ITGAM: variants seen among roughly 807,000 people sequenced by gnomAD.
The protein encoded by ITGAM is integrin subunit alpha M.
A neutral mutation model predicts 137.5 loss-of-function variants in ITGAM; 79 were observed. The observed-to-expected ratio is 0.57, with a 90% CI of 0.48 to 0.69. The LOEUF is 0.69. Among genes scored for constraint, ITGAM ranks in the 30% least tolerant of loss-of-function variants. ITGAM has a pLI of 0.00. For missense variants in ITGAM, 1,343 were observed against 1,483.5 expected (o/e 0.91, Z 1.56); for synonymous variants, 583 against 592.3 (o/e 0.98, Z 0.23).
chr16:31,302,692 G>A (rs780577531), intron 14 of ITGAM, among the ~76,000 whole-genome samples: 13 of 150,246 alleles, frequency 8.7e-5, no homozygotes, highest in Non-Finnish European at 1.6e-4. Context: ...CCGCCACTAC[G>A]CCTGGCTAAT....
At chr16:31,331,324 G>T (rs760533355) in intron 29 of ITGAM, 49 bp downstream of exon 29, 1 of 1,033,592 alleles carries the variant, frequency 9.7e-7, no homozygotes, top group South Asian at 1.3e-5. Context: ...CTCGGGCCTC[G>T]CGCTGCAGCT....
Position 31,329,319 on chromosome 16 carries a change from G to C in ITGAM, c.2868+16G>C, listed in dbSNP as rs376770639. ...TCAATATCAGGTGGGCAGCTGGGAC[G>C]TCTGGGTCCTGAGAAGGAGGCTGGG... On this transcript the variant is annotated intron_variant, in intron 24 of 29. Transcript: ENST00000544665. The C allele has an allele frequency of 6.3e-7, 1 of 1,578,314 alleles. No homozygotes were observed. Among genetic ancestry groups the C allele is most frequent in the African/African-American group, 1.3e-5 (1 of 74,264 alleles).
Position 31,324,282 on chromosome 16 carries a change from G to A in ITGAM, c.2003-117G>A, listed in dbSNP as rs1045747403. 1 of 738,824 alleles carries A rather than the reference G, an allele frequency of 1.4e-6. No homozygotes were observed. Among genetic ancestry groups the A allele is most frequent in the Non-Finnish European group, 2.2e-6 (1 of 451,350 alleles). 45.8% of individuals were successfully genotyped at this position (738,824 alleles called of 1,614,324 possible). A position where few individuals can be genotyped will look rare whatever the true frequency, so the allele number is the denominator to read the frequency against. On this transcript the variant is annotated intron_variant, in intron 16 of 29. Coordinates refer to ENST00000544665, the MANE Select transcript of ITGAM (RefSeq NM_000632.4). This position sits in a 1 kb window ranked among gnomAD's most constrained non-coding sequence, Gnocchi z 4.5. ...AAGGAAGGAAAGAAGACTCAGAGAA[G>A]TCAGATAACATACCCCAAGTCACAC...
rs1268728317 is a variant in ITGAM, at chr16:31,287,036, T to A, written c.1356+8927T>A. 3.4e-4 allele frequency among the ~76,000 whole-genome samples: 51 copies of A among 152,236 alleles called. 1 individual carries two copies. Among genetic ancestry groups the A allele is most frequent in the Non-Finnish European group, 1.5e-5 (1 of 68,030 alleles). ...TCTTTAATCACATTTAAATCTTTAA[T>A]ACACCTTGAGTTGATTTTTGTATAA... is the stretch of plus-strand genomic sequence containing the variant. On this transcript the variant is annotated intron_variant, in intron 12 of 29. Transcript: ENST00000544665.
chr16:31,315,395 T>C (rs1430178044), intron 14 of ITGAM, among the ~76,000 whole-genome samples: 1 of 152,202 alleles, frequency 6.6e-6, no homozygotes, highest in Non-Finnish European at 1.5e-5. Context: ...CGTTTCCTTC[T>C]AATAGTTTAT....
At chr16:31,322,019 A>G (rs952676208) in intron 16 of ITGAM, among the ~76,000 whole-genome samples, 5 of 152,176 alleles carry the variant, frequency 3.3e-5, no homozygotes, top group Non-Finnish European at 5.9e-5. Flanking sequence ...CCTTGTTCCT[A>G]TTCTCAAAGA....
At chr16:31,303,613 C>T (rs544355538) in intron 14 of ITGAM, among the ~76,000 whole-genome samples, 2 of 152,260 alleles carry the variant, frequency 1.3e-5, no homozygotes, top group African/African-American at 4.8e-5. Context: ...CTCCCAGACT[C>T]CCCTTCCCCA....
intron 14 of ITGAM, among the ~76,000 whole-genome samples, chr16:31,305,399 CA>C (rs2080254900): frequency 1.3e-5 from 2 of 152,108 alleles, no homozygotes; most frequent in South Asian, 4.1e-4. Flanking sequence ...ATATCATTGG[CA>C]AACAGCTCTA....
chr16:31,302,428 C>CTTTCT (rs71390270), intron 14 of ITGAM, among the ~76,000 whole-genome samples: 1,073 of 103,018 alleles, frequency 0.01, 28 homozygotes, highest in Non-Finnish European at 0.014. Context: ...TTCTTTCTTT[C>CTTTCT]TTCTTTCTTT....
At chr16:31,262,872 C>T (rs1002591846) in intron 2 of ITGAM, among the ~76,000 whole-genome samples, 1 of 152,226 alleles carries the variant, frequency 6.6e-6, no homozygotes, top group Admixed American at 6.5e-5. Context: ...TCCCATAATA[C>T]AGCCCAGTGA....
At position 31,331,896 on chromosome 16, in the gene ITGAM, T is replaced by TGC; in HGVS notation, c.*190_*191insCG. On this transcript the variant is annotated 3_prime_UTR_variant, in exon 30 of 30. Coordinates refer to ENST00000544665, the MANE Select transcript of ITGAM (RefSeq NM_000632.4). Reference sequence around the variant, plus strand: ...GTGTCTGTGTGCAAGTGTGTGCACATGTGTGCGTGTGCGTGCATGTGCACT... The same window carrying TGC: ...GTGTCTGTGTGCAAGTGTGTGCACATGCGTGTGCGTGTGCGTGCATGTGCACT... The TGC allele has an allele frequency of 1.2e-5, 2 of 162,768 alleles. No individual in the cohort carries two copies. The highest frequency in any genetic ancestry group is 1.9e-4 in the Admixed American group (2 of 10,428). 10.1% of individuals were successfully genotyped at this position (162,768 alleles called of 1,614,324 possible).
chr16:31,328,258 C>T (rs1303985365), intron 23 of ITGAM, 28 bp downstream of exon 23: 1 of 1,557,952 alleles, frequency 6.4e-7, no homozygotes, highest in African/African-American at 1.4e-5. Flanking sequence ...TTTAGCTGAG[C>T]CTCCACTTCT....
At position 31,324,961 on chromosome 16, in the gene ITGAM, C is replaced by G; in HGVS notation, c.2293C>G (p.Pro765Ala). 1 of 1,609,746 alleles carries G rather than the reference C, an allele frequency of 6.2e-7. No individual in the cohort carries two copies. Residue 765 changes from proline (P) to alanine (A), a missense_variant, in exon 19 of 30, where the codon CCC becomes GCC. Transcript: ENST00000544665. This position sits in a 1 kb window ranked among gnomAD's most constrained non-coding sequence, Gnocchi z 4.5. ...DAQRLFTALF[P>A]FEKNCGNDNI... ...GATCATATTTATTTTTTAAAAGTTTCCCTTTGAGAAGAATTGTGGCAATGA... is the reference window on the plus strand; with the variant it reads ...GATCATATTTATTTTTTAAAAGTTTGCCTTTGAGAAGAATTGTGGCAATGA...
intron 14 of ITGAM, among the ~76,000 whole-genome samples, chr16:31,311,262 A>G (rs1181046792): frequency 6.6e-6 from 1 of 152,246 alleles, no homozygotes; most frequent in African/African-American, 2.4e-5. Context: ...AGCAATGGCA[A>G]CAAAAGCCAA....
chr16:31,281,113 A>G (rs368182027), intron 12 of ITGAM, among the ~76,000 whole-genome samples: 1 of 152,088 alleles, frequency 6.6e-6, no homozygotes, highest in East Asian at 1.9e-4. Context: ...TGCTGGATTC[A>G]GTTTGTCAGT....
intron 14 of ITGAM, among the ~76,000 whole-genome samples, chr16:31,312,624 T>A (rs1003449353): frequency 3.3e-5 from 5 of 152,126 alleles, no homozygotes; most frequent in African/African-American, 1.2e-4. Flanking sequence ...TGACAGGGTC[T>A]GTCTATGTTT....
intron 5 of ITGAM, among the ~76,000 whole-genome samples, chr16:31,268,050 C>T (rs987038424): frequency 6.6e-6 from 1 of 152,172 alleles, no homozygotes; most frequent in Non-Finnish European, 1.5e-5. Flanking sequence ...AATCAACCAC[C>T]ACAATCGATA....
In ITGAM at chr16:31,331,914, T is replaced by C. The variant is rs58200984; in HGVS notation, c.*207T>C. ...GTGCACATGTGTGCGTGTGCGTGCA[T>C]GTGCACTTGCACGCCCATGTGTGAG... On this transcript the variant is annotated 3_prime_UTR_variant, in exon 30 of 30. Transcript: ENST00000544665. 0.15 allele frequency: 82,564 copies of C among 565,702 alleles called. 7,096 individuals carry two copies. The highest frequency in any genetic ancestry group is 0.21 in the African/African-American group (10,908 of 52,118). 35.0% of individuals were successfully genotyped at this position (565,702 alleles called of 1,614,324 possible). A position where few individuals can be genotyped will look rare whatever the true frequency, so the allele number is the denominator to read the frequency against.
At chr16:31,268,123 T>C (rs904975755) in intron 5 of ITGAM, among the ~76,000 whole-genome samples, 2 of 152,100 alleles carry the variant, frequency 1.3e-5, no homozygotes, top group African/African-American at 4.8e-5. Flanking sequence ...CTCCTCACCC[T>C]CACCACCCAA....
Sources: gnomAD v4.1 joint callset for allele counts (sites outside exome capture counted in the v4.1 genomes callset) on GRCh38, gnomAD v4.1.1 for gene constraint, Gnocchi (gnomAD v3.1) non-coding constraint, MANE v1.5 for transcripts, NCBI Gene and HGNC (gene_info 2026-07-23, HGNC 2026-07-21) for gene names.